The following HOXD3 variants were observed in gnomAD, a reference collection of about 807,000 sequenced individuals.
HOXD3 encodes homeobox protein Hox-D3.
In HOXD3, 13 loss-of-function variants were observed where a neutral mutation model predicts 32.8. The observed-to-expected ratio is 0.40, with a 90% CI of 0.26 to 0.63. The LOEUF is 0.63. HOXD3 is among the 20% of genes least tolerant of loss of function. HOXD3 has a pLI of 0.44. For missense variants in HOXD3, 504 were observed against 577.1 expected, an observed-to-expected ratio of 0.87 and a Z score of 1.30; for synonymous variants, 241 against 246.8, an observed-to-expected ratio of 0.98 and a Z score of 0.22.
chr2:176,172,372 C>T lies in HOXD3; in HGVS notation c.*98C>T. On this transcript the variant is annotated 3_prime_UTR_variant, in exon 4 of 4. Transcript: ENST00000683222. ...GCGGGGCAGTTCGGGAACCCCCTTC[C>T]CCGCTCTTGCCCTGCCGCCGCCTCC... 1.7e-6 allele frequency: 2 copies of T among 1,203,196 alleles called. No individual in the cohort carries two copies. The highest frequency in any genetic ancestry group is 2.3e-6 in the Non-Finnish European group (2 of 885,870). The allele number at this position is 1,203,196 out of a possible 1,614,324, so 74.5% of individuals were successfully genotyped here. A position where few individuals can be genotyped will look rare whatever the true frequency, so the allele number is the denominator to read the frequency against.
chr2:176,161,648 A>AT (rs1690808678), intron 1 of HOXD3, among the ~76,000 whole-genome samples: 1 of 151,988 alleles, frequency 6.6e-6, no homozygotes, highest in Non-Finnish European at 1.5e-5. Flanking sequence ...TGTTGGCTTA[A>AT]TTTTTTCTTG....
At chr2:176,157,037 C>A (rs1690659422), upstream of HOXD3, among the ~76,000 whole-genome samples, 1 of 152,078 alleles carries the variant, frequency 6.6e-6, no homozygotes, top group Admixed American at 6.5e-5. Context: ...GAGGAGGAAG[C>A]GAGTCCATAG....
chr2:176,161,964 G>C (rs1023707041), intron 1 of HOXD3, among the ~76,000 whole-genome samples: 1 of 152,234 alleles, frequency 6.6e-6, no homozygotes, highest in African/African-American at 2.4e-5. Flanking sequence ...GGAGTGAGCA[G>C]CTCCAGGAGC....
Position 176,159,154 on chromosome 2 carries a change from C to A in HOXD3, c.-181+1702C>A, listed in dbSNP as rs997604459. On this transcript the variant is annotated intron_variant, in intron 1 of 3. Transcript: ENST00000683222. ...AGACAAATTCCCGCAAAGCAGCCCCCCTCTTTGGCTGGGGATTAACACTTG... is the reference window on the plus strand; with the variant it reads ...AGACAAATTCCCGCAAAGCAGCCCCACTCTTTGGCTGGGGATTAACACTTG... Among the ~76,000 whole-genome samples the A allele has an allele frequency of 5.9e-5, 9 of 152,264 alleles. No homozygotes were observed. The East Asian group carries it at 1.5e-3, about 26-fold the overall frequency.
Position 176,169,392 on chromosome 2 carries a change from C to T in HOXD3, c.278C>T (p.Pro93Leu), listed in dbSNP as rs551461905. The change falls in exon 3 of 4, where the codon CCG (proline) becomes CTG (leucine). Residue 93 changes from proline to leucine, a missense_variant. Transcript: ENST00000683222. Reference protein sequence around the residue: ...GAELNGSCMRPGTGNSQGGGG... With the variant: ...GAELNGSCMRLGTGNSQGGGG... ...GAACTCAATGGCAGCTGCATGCGGC[C>T]GGGCACTGGGAACAGCCAGGGTGGG... is the stretch of plus-strand genomic sequence containing the variant. The T allele has an allele frequency of 6.2e-6, 10 of 1,613,974 alleles. No individual in the cohort carries two copies. The highest frequency in any genetic ancestry group is 1.3e-5 in the African/African-American group (1 of 74,978).
chr2:176,166,249 A>G (rs554884156), intron 2 of HOXD3, among the ~76,000 whole-genome samples: 1 of 152,352 alleles, frequency 6.6e-6, no homozygotes, highest in South Asian at 2.1e-4. Flanking sequence ...TATGCCATAG[A>G]AGCAAATATA....
intron 1 of HOXD3, among the ~76,000 whole-genome samples, 195 bp from the exon 2 acceptor site, chr2:176,163,877 GC>G: frequency 6.6e-6 from 1 of 152,128 alleles, no homozygotes; most frequent in Non-Finnish European, 1.5e-5. Context: ...ATGGATTTTG[GC>G]GTTAAAGGGG....
Position 176,169,519 on chromosome 2 carries a change from A to G in HOXD3, c.405A>G (p.Gly135=), listed in dbSNP as rs1691105510. ...CCCCATCTTCACCCACCAATCCTGG[A>G]GGTGGAGTGCCTGCCAAGAAGCCCA... is the stretch of plus-strand genomic sequence containing the variant. ...TLPPSSPTNP[G]GGVPAKKPKG... is the part of the protein sequence containing the mutation. Residue 135 remains glycine (G), a synonymous_variant, in exon 3 of 4, where the codon GGA becomes GGG. Coordinates refer to ENST00000683222, the MANE Select transcript of HOXD3 (RefSeq NM_006898.5). The G allele has an allele frequency of 5.0e-6, 8 of 1,614,012 alleles. No individual in the cohort carries two copies. Among genetic ancestry groups the G allele is most frequent in the Non-Finnish European group, 6.8e-6 (8 of 1,179,978 alleles).
chr2:176,157,725 G>A (rs2105429394), intron 1 of HOXD3, among the ~76,000 whole-genome samples: 1 of 152,248 alleles, frequency 6.6e-6, no homozygotes, highest in East Asian at 1.9e-4. Flanking sequence ...ACAGAGATAG[G>A]GAGAGGGTGT....
chr2:176,154,831 G>A (rs1459964712), upstream of HOXD3, among the ~76,000 whole-genome samples: 1 of 152,202 alleles, frequency 6.6e-6, no homozygotes. Flanking sequence ...ATTAAAGATG[G>A]ATATTCGTGC....
Position 176,172,282 on chromosome 2 carries a change from C to A in HOXD3, c.*8C>A. The A allele has an allele frequency of 6.3e-7, 1 of 1,581,766 alleles. No homozygotes were observed. The highest frequency in any genetic ancestry group is 8.6e-7 in the Non-Finnish European group (1 of 1,167,408). On this transcript the variant is annotated 3_prime_UTR_variant, in exon 4 of 4. Coordinates refer to ENST00000683222, the MANE Select transcript of HOXD3 (RefSeq NM_006898.5). ...AAACTGACGCATCTGTAGCGGCCGC[C>A]GCCAGCCCGAACTCGCGGCAAAATT...
chr2:176,172,856 C>G lies in HOXD3; in HGVS notation c.*582C>G, dbSNP rs990437586. The G allele has an allele frequency of 6.5e-6, 1 of 153,406 alleles. No homozygotes were observed. The allele number at this position is 153,406 out of a possible 1,614,324, so 9.5% of individuals were successfully genotyped here. On this transcript the variant is annotated 3_prime_UTR_variant, in exon 4 of 4. Coordinates refer to ENST00000683222, the MANE Select transcript of HOXD3 (RefSeq NM_006898.5). ...GGGGGCCACATTTCACCTCCTTAGT[C>G]CCCCTGGTCTGAACTAGTTGAGAGA...
chr2:176,152,703 A>G (rs1344893622), upstream of HOXD3: 1 of 1,614,088 alleles, frequency 6.2e-7, no homozygotes, highest in Non-Finnish European at 8.5e-7. This position sits in a 1 kb window ranked among gnomAD's most constrained non-coding sequence, Gnocchi z 5.2. Context: ...TCATTTTAAC[A>G]GGTATCTGAC....
In HOXD3 at chr2:176,171,769, A is replaced by C; in HGVS notation, c.794A>C (p.Gln265Pro). 1 of 1,614,032 alleles carries C rather than the reference A, an allele frequency of 6.2e-7. No homozygotes were observed. The highest frequency in any genetic ancestry group is 1.7e-5 in the Admixed American group (1 of 60,026). ...GGCATCCTGCACTCGCCGGCTAGCC[A>C]GTCCCCTGAGCGCAGCCCACCGCTC... The part of the protein sequence containing the change: ...AKGILHSPAS[Q>P]SPERSPPLGG... Residue 265 changes from glutamine (Q) to proline (P), a missense_variant, in exon 4 of 4, where the codon CAG becomes CCG. Physicochemically the swap from Gln to Pro is moderately conservative, Grantham distance 76. Around this residue, in one of 3 missense-constraint regions of HOXD3, gnomAD observed 226 missense variants for 246.9 expected, o/e 0.92. Coordinates refer to ENST00000683222, the MANE Select transcript of HOXD3 (RefSeq NM_006898.5).
intron 2 of HOXD3, among the ~76,000 whole-genome samples, chr2:176,166,552 A>C (rs1690976410): frequency 6.6e-6 from 1 of 152,246 alleles, no homozygotes; most frequent in Admixed American, 6.5e-5. Flanking sequence ...AACATATGTA[A>C]GTATTAGTCA....
intron 1 of HOXD3, 136 bp from the exon 2 acceptor site, chr2:176,163,937 G>A (rs1047713272): frequency 6.6e-6 from 1 of 152,190 alleles, no homozygotes; most frequent in African/African-American, 2.4e-5. Context: ...CGGGGAGAAG[G>A]CGTCTGGATG....
At chr2:176,153,042 T>C (rs1690576747), upstream of HOXD3, 2 of 1,168,896 alleles carry the variant, frequency 1.7e-6, no homozygotes, top group Admixed American at 1.8e-5. Context: ...TCTAAGGTAC[T>C]GTGGGGTGGA....
chr2:176,162,518 G>A (rs889955539), intron 1 of HOXD3, among the ~76,000 whole-genome samples: 11 of 152,210 alleles, frequency 7.2e-5, no homozygotes, highest in Non-Finnish European at 1.6e-4. Context: ...AAGCCAGCCC[G>A]GTTAAGGCTG....
At chr2:176,155,347 A>T (rs1203285598), upstream of HOXD3, among the ~76,000 whole-genome samples, 1 of 152,238 alleles carries the variant, frequency 6.6e-6, no homozygotes, top group East Asian at 1.9e-4. Context: ...CACAGGCTTA[A>T]CTGACTGCAT....
Sources: gnomAD v4.1 joint callset for allele counts (sites outside exome capture counted in the v4.1 genomes callset) on GRCh38, gnomAD v4.1.1 for gene constraint, gnomAD v4.1.1 regional missense constraint, Gnocchi (gnomAD v3.1) non-coding constraint, MANE v1.5 for transcripts, NCBI Gene and HGNC (gene_info 2026-07-23, HGNC 2026-07-21) for gene names.